CD55: variants seen among roughly 807,000 people sequenced by gnomAD.
The protein encoded by CD55 is CD55 molecule (Cromer blood group), also known as complement decay-accelerating factor.
In CD55, 41 loss-of-function variants were observed where a neutral mutation model predicts 45.8. That is an observed-to-expected ratio of 0.90 (90% CI 0.70 to 1.16). The LOEUF (loss-of-function observed/expected upper bound fraction) is 1.16. Among genes scored for constraint, CD55 ranks in the 50% most tolerant of loss-of-function variants. The pLI, the probability that CD55 is intolerant of heterozygous loss-of-function variation, is 0.00. For synonymous variants in CD55, 181 were observed against 181.1 expected (o/e 1.00, Z 0.01); for missense variants, 416 against 469.8 (o/e 0.89, Z 1.06).
chr1:207,337,001 C>T, intron 7 of CD55, 183 bp downstream of exon 7: 1 of 681,110 alleles, frequency 1.5e-6, no homozygotes, highest in South Asian at 1.9e-5. Context: ...ACCTCAAAGA[C>T]ACACCATAGT....
chr1:207,321,733 C>A lies in CD55; in HGVS notation c.-33C>A. 1 of 1,466,028 alleles carries A rather than the reference C, an allele frequency of 6.8e-7. No homozygotes were observed. Among genetic ancestry groups the A allele is most frequent in the Non-Finnish European group, 9.0e-7 (1 of 1,109,200 alleles). 90.8% of individuals were successfully genotyped at this position (1,466,028 alleles called of 1,614,324 possible). ...GCGTAGCTGCGACTCGGCGGAGTCC[C>A]GGCGGCGCGTCCTTGTTCTAACCCG... On this transcript the variant is annotated 5_prime_UTR_variant, in exon 1 of 10. Coordinates refer to ENST00000367064, the MANE Select transcript of CD55 (RefSeq NM_000574.5).
At chr1:207,325,540 A>G in intron 3 of CD55, 82 bp from the exon 4 acceptor site, 1 of 750,424 alleles carries the variant, frequency 1.3e-6, no homozygotes, top group South Asian at 1.8e-5. Flanking sequence ...TAATTAACAT[A>G]TCTACCACCT....
rs1429657078 is a variant in CD55 at position 207,321,825 on chromosome 1, G to A, written c.60G>A (p.Arg20=). 4 of 1,526,772 alleles carry A rather than the reference G, an allele frequency of 2.6e-6. No homozygotes were observed. The highest frequency in any genetic ancestry group is 2.4e-5 in the South Asian group (2 of 83,410). 94.6% of individuals were successfully genotyped at this position (1,526,772 alleles called of 1,614,324 possible). A position where few individuals can be genotyped will look rare whatever the true frequency, so the allele number is the denominator to read the frequency against. ...TGCCCCTCCTCGGGGAGCTGCCCCG[G>A]CTGCTGCTGCTGGTGCTGTTGTGCC... ...AALPLLGELP[R]LLLLVLLCLP... Residue 20 remains arginine, a synonymous_variant, in exon 1 of 10, where the codon CGG becomes CGA. Coordinates refer to ENST00000367064, the MANE Select transcript of CD55 (RefSeq NM_000574.5).
rs1656259929 is a variant in CD55, at chr1:207,360,567, C to T, written c.*957C>T. 6.6e-6 allele frequency: 1 copy of T among 152,114 alleles called. No individual in the cohort carries two copies. The highest frequency in any genetic ancestry group is 1.5e-5 in the Non-Finnish European group (1 of 68,012). 9.4% of individuals were successfully genotyped at this position (152,114 alleles called of 1,614,324 possible). On this transcript the variant is annotated 3_prime_UTR_variant, in exon 10 of 10. Transcript: ENST00000367064. ...TTATTTCTAAATAAGAAATTCCCTACCTGCTTCCTACAAGCAGTTCAGAAT... is the reference window on the plus strand; with the variant it reads ...TTATTTCTAAATAAGAAATTCCCTATCTGCTTCCTACAAGCAGTTCAGAAT...
intron 9 of CD55, chr1:207,353,890 C>T (rs773450049): frequency 4.4e-5 from 36 of 821,434 alleles, no homozygotes; most frequent in Non-Finnish European, 5.7e-5. Flanking sequence ...TCCCAGGGTG[C>T]CTTCACTTGT....
intron 5 of CD55, among the ~76,000 whole-genome samples, 154 bp downstream of exon 5, chr1:207,326,991 G>A (rs961342268): frequency 3.9e-5 from 6 of 152,166 alleles, no homozygotes; most frequent in Non-Finnish European, 5.9e-5. Context: ...ACCTTTTCTA[G>A]TGATGTTCCT....
intron 9 of CD55, chr1:207,350,162 T>G (rs765063749): frequency 2.2e-6 from 1 of 453,118 alleles, no homozygotes. Flanking sequence ...TGAATCACAT[T>G]TATTGATTTG....
In CD55 at chr1:207,322,523, G is replaced by A; in HGVS notation, c.242G>A (p.Cys81Tyr). Residue 81 changes from cysteine (C) to tyrosine (Y), a missense_variant, in exon 2 of 10, where the codon TGC becomes TAC. Cys to Tyr is a radical substitution (Grantham distance 194). Coordinates refer to ENST00000367064, the MANE Select transcript of CD55 (RefSeq NM_000574.5). ...CCTGGCGAGAAGGACTCAGTGATCTGCCTTAAGGGCAGTCAATGGTCAGAT... is the reference window on the plus strand; with the variant it reads ...CCTGGCGAGAAGGACTCAGTGATCTACCTTAAGGGCAGTCAATGGTCAGAT... ...KIPGEKDSVI[C>Y]LKGSQWSDIE... 6.2e-7 allele frequency: 1 copy of A among 1,614,092 alleles called. No homozygotes were observed. The highest frequency in any genetic ancestry group is 8.5e-7 in the Non-Finnish European group (1 of 1,179,992).
At chr1:207,355,184 T>A (rs544014340) in intron 9 of CD55, among the ~76,000 whole-genome samples, 3 of 152,304 alleles carry the variant, frequency 2.0e-5, no homozygotes, top group Admixed American at 6.5e-5. Context: ...GCAGTGCAAT[T>A]GTACAGTGTC....
At chr1:207,328,135 G>A (rs550566447) in intron 5 of CD55, among the ~76,000 whole-genome samples, 2 of 152,218 alleles carry the variant, frequency 1.3e-5, no homozygotes, top group East Asian at 1.9e-4. Flanking sequence ...CTTCCTGCTT[G>A]CACATCTAGG....
chr1:207,341,535 G>A (rs1655426808), intron 9 of CD55, among the ~76,000 whole-genome samples: 1 of 151,950 alleles, frequency 6.6e-6, no homozygotes, highest in African/African-American at 2.4e-5. Context: ...TATGTTCTTG[G>A]CACCTTTGTA....
At chr1:207,340,902 A>G (rs980025188) in intron 9 of CD55, 1 of 303,664 alleles carries the variant, frequency 3.3e-6, no homozygotes, top group Non-Finnish European at 6.0e-6. Flanking sequence ...ACTAATTTAC[A>G]TTCTCACCAA....
intron 2 of CD55, among the ~76,000 whole-genome samples, chr1:207,324,301 T>TG (rs1301549775): frequency 6.6e-6 from 1 of 151,758 alleles, no homozygotes; most frequent in African/African-American, 2.4e-5. Context: ...AACTTAAATT[T>TG]TTTTTTTTTT....
intron 7 of CD55, 99 bp from the exon 8 acceptor site, chr1:207,337,230 C>T (rs966480802): frequency 2.2e-5 from 17 of 788,614 alleles, no homozygotes; most frequent in Middle Eastern, 2.3e-4. Context: ...GTTGCATTTA[C>T]GCAGAGTCCT....
intron 9 of CD55, among the ~76,000 whole-genome samples, chr1:207,351,368 A>G (rs1655861318): frequency 6.6e-6 from 1 of 152,160 alleles, no homozygotes; most frequent in Non-Finnish European, 1.5e-5. Flanking sequence ...CCATTTGGTC[A>G]AGTGTCAAGT....
chr1:207,345,121 G>A (rs1655580999), intron 9 of CD55, among the ~76,000 whole-genome samples: 4 of 152,126 alleles, frequency 2.6e-5, no homozygotes, highest in Admixed American at 2.6e-4. Context: ...TGTTGTTTTA[G>A]TAATAGATTT....
At chr1:207,347,715 G>C (rs1424976338) in intron 9 of CD55, among the ~76,000 whole-genome samples, 1 of 152,096 alleles carries the variant, frequency 6.6e-6, no homozygotes, top group Admixed American at 6.6e-5. Context: ...GTAGTTTATT[G>C]ATTCTCACCC....
intron 9 of CD55, chr1:207,340,528 G>C (rs1301168307): frequency 1.4e-6 from 1 of 698,030 alleles, no homozygotes; most frequent in South Asian, 1.5e-5. Context: ...ACGACACCCG[G>C]CTAAGTTTTT....
chr1:207,355,795 AATAAC>A (rs1222497068), intron 9 of CD55, among the ~76,000 whole-genome samples: 3 of 152,192 alleles, frequency 2.0e-5, no homozygotes, highest in Non-Finnish European at 4.4e-5. Context: ...CTAGCTCTAA[AATAAC>A]ATAATTCTGT....
Sources: allele counts gnomAD v4.1 joint callset (sites outside exome capture counted in the v4.1 genomes callset), GRCh38; gene constraint gnomAD v4.1.1; transcripts MANE v1.5; gene names NCBI Gene and HGNC (gene_info 2026-07-23, HGNC 2026-07-21).